Variants in SLC25A53 observed in about 807,000 individuals in gnomAD.
The protein encoded by SLC25A53 is mitochondrial carrier triple repeat protein 6.
Under a neutral mutation model 15.0 loss-of-function variants are expected in SLC25A53, and 5 were observed. The ratio of observed to expected loss-of-function variants is 0.33; its 90% CI spans 0.17 to 0.70. The LOEUF (loss-of-function observed/expected upper bound fraction) is 0.70, where lower values mean the gene tolerates loss of function less well. Ranked by LOEUF, SLC25A53 falls within the 30% of genes least tolerant of loss-of-function variation. The pLI, the probability that SLC25A53 is intolerant of heterozygous loss-of-function variation, is 0.67. For synonymous variants in SLC25A53, 95 were observed against 100.0 expected (o/e 0.95, Z 0.30); for missense variants, 216 against 241.6 (o/e 0.89, Z 0.70).
rs782149308 is a variant in SLC25A53, at chrX:104,102,975, T to C, written c.*1359A>G. On this transcript the variant is annotated 3_prime_UTR_variant, in exon 2 of 2. Coordinates refer to ENST00000594199, the MANE Select transcript of SLC25A53 (RefSeq NM_001012755.5). ...CAACATGGAGAGACCCCATCTCTAC[T>C]AAAAATACAAAATTAGCCAGGCATG... The C allele has an allele frequency of 9.1e-6, 1 of 110,025 alleles. No individual in the cohort carries two copies. The highest frequency in any genetic ancestry group is 1.9e-5 in the Non-Finnish European group (1 of 52,682). The allele number at this position is 110,025 out of a possible 1,213,427, so 9.1% of individuals were successfully genotyped here. A position where few individuals can be genotyped will look rare whatever the true frequency, so the allele number is the denominator to read the frequency against.
intron 1 of SLC25A53, among the ~76,000 whole-genome samples, chrX:104,152,899 T>G (rs1436094011): frequency 8.9e-6 from 1 of 111,822 alleles, no homozygotes; most frequent in Non-Finnish European, 1.9e-5. Flanking sequence ...TTTTGTTTTG[T>G]AACTGGCCTA....
rs2075294956 is a variant in SLC25A53 at position 104,104,324 on chromosome X, C to T, written c.*10G>A. On this transcript the variant is annotated 3_prime_UTR_variant, in exon 2 of 2. Transcript: ENST00000594199. ...AGAATAACAAAGCTGCCATGCCACA[C>T]TTTCTGCAGCTAGTCAGTCTTCAGC... 8.3e-7 allele frequency: 1 copy of T among 1,202,529 alleles called. No individual in the cohort carries two copies. Among genetic ancestry groups the T allele is most frequent in the African/African-American group, 1.7e-5 (1 of 57,538 alleles).
At chrX:104,109,984 T>C (rs1397512756) in intron 1 of SLC25A53, among the ~76,000 whole-genome samples, 1 of 70,981 alleles carries the variant, frequency 1.4e-5, no homozygotes, top group East Asian at 4.7e-4. Flanking sequence ...TGAGGCCATG[T>C]CCTGTATCCA....
Position 104,099,627 on chromosome X carries a change from C to T in SLC25A53, c.*4707G>A, listed in dbSNP as rs1352559087. On this transcript the variant is annotated 3_prime_UTR_variant, in exon 2 of 2. Transcript: ENST00000594199. Reference sequence around the variant, plus strand: ...TAAAAAGCATTTAATGTTTGAACATCTGTAAAACAAAACTGTTGTTTAGAG... The same window carrying T: ...TAAAAAGCATTTAATGTTTGAACATTTGTAAAACAAAACTGTTGTTTAGAG... 2 of 112,044 alleles carry T rather than the reference C, an allele frequency of 1.8e-5. No individual in the cohort carries two copies. The highest frequency in any genetic ancestry group is 1.9e-4 in the Admixed American group (2 of 10,557). 9.2% of individuals were successfully genotyped at this position (112,044 alleles called of 1,213,427 possible).
At position 104,104,282 on chromosome X, in the gene SLC25A53, C is replaced by A; in HGVS notation, c.*52G>T. ...AGCCAAAGAAGTAAGCTATATAGAACCAACCAGGGAAGATTTAGAATAACA... is the reference window on the plus strand; with the variant it reads ...AGCCAAAGAAGTAAGCTATATAGAAACAACCAGGGAAGATTTAGAATAACA... On this transcript the variant is annotated 3_prime_UTR_variant, in exon 2 of 2. Coordinates refer to ENST00000594199, the MANE Select transcript of SLC25A53 (RefSeq NM_001012755.5). 2 of 1,146,230 alleles carry A rather than the reference C, an allele frequency of 1.7e-6. No homozygotes were observed. Among genetic ancestry groups the A allele is most frequent in the African/African-American group, 1.8e-5 (1 of 56,331 alleles). The allele number at this position is 1,146,230 out of a possible 1,213,427, so 94.5% of individuals were successfully genotyped here. A position where few individuals can be genotyped will look rare whatever the true frequency, so the allele number is the denominator to read the frequency against.
chrX:104,115,463 A>G, intron 1 of SLC25A53: 1 of 554,181 alleles, frequency 1.8e-6, no homozygotes. Context: ...GAGGTCTTGC[A>G]TACCAGCACA....
chrX:104,111,533 A>C (rs1214721483), intron 1 of SLC25A53, among the ~76,000 whole-genome samples: 1 of 111,702 alleles, frequency 9.0e-6, no homozygotes, highest in Non-Finnish European at 1.9e-5. Flanking sequence ...AAAAAAATGA[A>C]AGAAAGAAAA....
intron 1 of SLC25A53, 85 bp from the exon 2 acceptor site, chrX:104,105,373 T>A: frequency 1.5e-6 from 1 of 646,247 alleles, no homozygotes. Flanking sequence ...AAATGAACCC[T>A]AAGAAACTCA....
At chrX:104,128,943 T>C (rs1474259595) in intron 1 of SLC25A53, among the ~76,000 whole-genome samples, 14 of 112,179 alleles carry the variant, frequency 1.2e-4, no homozygotes, top group Admixed American at 7.6e-4. Flanking sequence ...TTCCTTAAAA[T>C]GATCAATACA....
chrX:104,116,741 T>C (rs2075378329), intron 1 of SLC25A53, among the ~76,000 whole-genome samples: 1 of 111,194 alleles, frequency 9.0e-6, no homozygotes, highest in Admixed American at 9.5e-5. Context: ...AGGAGCCCAA[T>C]GCAGCCTTCC....
Position 104,152,500 on chromosome X carries a change from C to T in SLC25A53, c.-32+4378G>A, listed in dbSNP as rs546506194. ...CCGCCCAGGCTGGAGTACAATGGCG[C>T]GATCTCGGCTCACTGCAACCTCTGC... On this transcript the variant is annotated intron_variant, in intron 1 of 1. Coordinates refer to ENST00000594199, the MANE Select transcript of SLC25A53 (RefSeq NM_001012755.5). Among the ~76,000 whole-genome samples, 8 of 110,544 alleles carry T rather than the reference C, an allele frequency of 7.2e-5. No homozygotes were observed. The South Asian group carries it at 1.6e-3, about 22-fold the overall frequency.
At chrX:104,116,587 C>G (rs2075377686) in intron 1 of SLC25A53, among the ~76,000 whole-genome samples, 1 of 111,331 alleles carries the variant, frequency 9.0e-6, no homozygotes. Flanking sequence ...CTGGCAGAAA[C>G]TGCAGACCCA....
intron 1 of SLC25A53, among the ~76,000 whole-genome samples, chrX:104,106,013 C>T (rs1269131933): frequency 9.0e-6 from 1 of 111,731 alleles, no homozygotes; most frequent in African/African-American, 3.3e-5. Context: ...TTATTCTTGG[C>T]GCCTGTCCTC....
chrX:104,115,147 A>C (rs782116435), intron 1 of SLC25A53: 40 of 1,206,107 alleles, frequency 3.3e-5, no homozygotes, highest in Non-Finnish European at 4.5e-5. Context: ...GCGAAAATAC[A>C]CAACCCGCTG....
Position 104,104,898 on chromosome X carries a change from G to C in SLC25A53, c.360C>G (p.Ala120=). ...CCTCCACCACGCCAGACATGAGCCCGGCAGCCCAGCGGTGTCCCAGGGTGT... is the reference window on the plus strand; with the variant it reads ...CCTCCACCACGCCAGACATGAGCCCCGCAGCCCAGCGGTGTCCCAGGGTGT... ...GPHTLGHRWA[A]GLMSGVVEAV... The change falls in exon 2 of 2, where the codon GCC becomes GCG. Residue 120 remains alanine, a synonymous_variant. Coordinates refer to ENST00000594199, the MANE Select transcript of SLC25A53 (RefSeq NM_001012755.5). 1 of 1,211,755 alleles carries C rather than the reference G, an allele frequency of 8.3e-7. No homozygotes were observed. Among genetic ancestry groups the C allele is most frequent in the Non-Finnish European group, 1.1e-6 (1 of 895,575 alleles).
chrX:104,119,128 G>T (rs192422151), intron 1 of SLC25A53, among the ~76,000 whole-genome samples: 1 of 111,927 alleles, frequency 8.9e-6, no homozygotes, highest in African/African-American at 3.2e-5. Context: ...ATGGTGCTGG[G>T]GGGAACTTCA....
intron 1 of SLC25A53, chrX:104,112,573 G>A (rs1409654186): frequency 8.8e-6 from 1 of 113,861 alleles, no homozygotes; most frequent in Non-Finnish European, 1.9e-5. Flanking sequence ...GCTGCCCGGA[G>A]GGCCGAACTG....
intron 1 of SLC25A53, among the ~76,000 whole-genome samples, chrX:104,140,001 A>G (rs2075446902): frequency 8.9e-6 from 1 of 112,938 alleles, no homozygotes; most frequent in Non-Finnish European, 1.9e-5. Context: ...ATAGGACCAA[A>G]GAGATAAAGT....
At chrX:104,132,505 C>T (rs954692669) in intron 1 of SLC25A53, among the ~76,000 whole-genome samples, 2 of 112,490 alleles carry the variant, frequency 1.8e-5, no homozygotes, top group African/African-American at 6.5e-5. Flanking sequence ...GCCAGCACAT[C>T]GTGGCTACAC....
Sources: gnomAD v4.1 joint callset for allele counts (sites outside exome capture counted in the v4.1 genomes callset) on GRCh38, gnomAD v4.1.1 for gene constraint, MANE v1.5 for transcripts, NCBI Gene and HGNC (gene_info 2026-07-23, HGNC 2026-07-21) for gene names.